Variants in ZC3H18 observed in about 807,000 individuals in gnomAD.
The protein encoded by ZC3H18 is zinc finger CCCH domain-containing protein 18.
Under a neutral mutation model 106.1 loss-of-function variants are expected in ZC3H18, and 8 were observed. The ratio of observed to expected loss-of-function variants is 0.08; its 90% CI spans 0.04 to 0.14. The LOEUF is 0.14. Ranked by LOEUF, ZC3H18 falls within the 10% of genes least tolerant of loss-of-function variation. The pLI, the probability that ZC3H18 is intolerant of heterozygous loss-of-function variation, is 1.00. For synonymous variants in ZC3H18, 635 were observed against 522.1 expected (o/e 1.22, Z -2.95); for missense variants, 1,318 against 1,278.4 (o/e 1.03, Z -0.47).
chr16:88,603,542 G>A (rs982601287), intron 6 of ZC3H18, among the ~76,000 whole-genome samples: 3 of 150,900 alleles, frequency 2.0e-5, no homozygotes, highest in Non-Finnish European at 4.4e-5. Flanking sequence ...AGAATTGCTC[G>A]AACCTGGGAG....
intron 2 of ZC3H18, among the ~76,000 whole-genome samples, chr16:88,579,428 G>T (rs1312284867): frequency 6.6e-6 from 1 of 152,142 alleles, no homozygotes; most frequent in South Asian, 2.1e-4. Flanking sequence ...AAGAGGACTG[G>T]CTGCAGACCC....
intron 11 of ZC3H18, 33 bp downstream of exon 11, chr16:88,624,095 G>A (rs369465820): frequency 1.5e-5 from 24 of 1,603,326 alleles, no homozygotes; most frequent in Middle Eastern, 1.7e-4. Flanking sequence ...AGTCCTGGCC[G>A]GCCAGGCCTC....
intron 2 of ZC3H18, among the ~76,000 whole-genome samples, chr16:88,584,228 C>G (rs1225138737): frequency 6.6e-6 from 1 of 152,074 alleles, no homozygotes. Flanking sequence ...TCAAGACCAG[C>G]CTGGCCAACA....
chr16:88,585,827 T>C (rs952888873), intron 2 of ZC3H18, among the ~76,000 whole-genome samples: 3 of 151,482 alleles, frequency 2.0e-5, no homozygotes, highest in African/African-American at 4.9e-5. Flanking sequence ...ACCGGTGAGA[T>C]TGGTTACGCT....
intron 6 of ZC3H18, 101 bp downstream of exon 6, chr16:88,600,049 A>G (rs916228784): frequency 1.7e-5 from 24 of 1,395,754 alleles, no homozygotes; most frequent in African/African-American, 2.9e-5. Context: ...CTCGGCTGAG[A>G]CCCAGCCCCA....
At chr16:88,573,277 G>A (rs1487317542) in intron 1 of ZC3H18, among the ~76,000 whole-genome samples, 5 of 152,024 alleles carry the variant, frequency 3.3e-5, no homozygotes, top group African/African-American at 1.2e-4. Context: ...GCCCTTCTAT[G>A]AGGAAGATGT....
chr16:88,590,560 A>ATTTTTTT (rs1915685593), intron 3 of ZC3H18, among the ~76,000 whole-genome samples: 3 of 24,108 alleles, frequency 1.2e-4, no homozygotes, highest in East Asian at 1.3e-3. Context: ...GGGTTTCTTT[A>ATTTTTTT]TTTCTTTTTT....
chr16:88,631,302 C>CG lies in ZC3H18; in HGVS notation c.*4dup. The CG allele has an allele frequency of 6.4e-7, 1 of 1,573,302 alleles. No homozygotes were observed. Among genetic ancestry groups the CG allele is most frequent in the Non-Finnish European group, 8.6e-7 (1 of 1,159,328 alleles). The stretch of plus-strand genomic sequence containing the variant: ...CCAAGATCCCCGGGAAAGCATAGGC[C>CG]GTGCCCCGACCGGACTGGACGCATT... On this transcript the variant is annotated 3_prime_UTR_variant, in exon 18 of 18. Transcript: ENST00000301011.
chr16:88,573,847 T>C (rs1914562812), intron 1 of ZC3H18, among the ~76,000 whole-genome samples: 1 of 152,044 alleles, frequency 6.6e-6, no homozygotes, highest in African/African-American at 2.4e-5. Flanking sequence ...ATTGGTTGGT[T>C]TGTAAATCTA....
intron 2 of ZC3H18, among the ~76,000 whole-genome samples, chr16:88,581,925 C>T (rs986020686): frequency 6.6e-6 from 1 of 152,220 alleles, no homozygotes; most frequent in Admixed American, 6.5e-5. Flanking sequence ...ACTCCATGTT[C>T]CGTGTTTATA....
At chr16:88,629,799 G>C (rs1486387223) in intron 16 of ZC3H18, among the ~76,000 whole-genome samples, 1 of 152,240 alleles carries the variant, frequency 6.6e-6, no homozygotes, top group Non-Finnish European at 1.5e-5. Flanking sequence ...GCTCAAACCA[G>C]ATAGAGGACA....
intron 8 of ZC3H18, among the ~76,000 whole-genome samples, chr16:88,619,855 C>T (rs950333755): frequency 9.9e-5 from 15 of 152,198 alleles, no homozygotes; most frequent in Non-Finnish European, 2.1e-4. Context: ...GCTCCCTTTC[C>T]TCTTGGGGTG....
At chr16:88,590,647 C>T (rs1049444492) in intron 3 of ZC3H18, among the ~76,000 whole-genome samples, 1 of 138,978 alleles carries the variant, frequency 7.2e-6, no homozygotes, top group Non-Finnish European at 1.5e-5. Context: ...GTTGGAACCT[C>T]CACCTGGGTT....
At chr16:88,609,230 A>G in intron 7 of ZC3H18, 179 bp downstream of exon 7, 1 of 428,688 alleles carries the variant, frequency 2.3e-6, no homozygotes, top group Non-Finnish European at 4.2e-6. Context: ...CGATTACATT[A>G]ATGGTCATTT....
intron 16 of ZC3H18, 112 bp downstream of exon 16, chr16:88,628,966 A>C (rs1447914342): frequency 2.0e-5 from 21 of 1,041,814 alleles, no homozygotes; most frequent in Non-Finnish European, 2.9e-5. Flanking sequence ...GGTCCAGAGA[A>C]CATCTGACTT....
chr16:88,595,475 T>C (rs962792936), intron 3 of ZC3H18, among the ~76,000 whole-genome samples: 10 of 8,808 alleles, frequency 1.1e-3, no homozygotes, highest in Non-Finnish European at 2.4e-3. Flanking sequence ...TCTTTCTTTC[T>C]TTTTTTTTTT....
chr16:88,605,131 G>A (rs1285444736), intron 6 of ZC3H18, among the ~76,000 whole-genome samples: 1 of 152,248 alleles, frequency 6.6e-6, no homozygotes, highest in Non-Finnish European at 1.5e-5. Flanking sequence ...GCTTAACTGA[G>A]AGAGCACAAG....
rs1349198317 is a variant in ZC3H18 at position 88,630,562 on chromosome 16, C to T, written c.2644C>T (p.Pro882Ser). ...ERQRGQNSKAPAAPADRKRQL... is the reference protein window; with the variant it reads ...ERQRGQNSKASAAPADRKRQL... ...GCAGAGAGGCCAGAACTCCAAAGCC[C>T]CTGCAGCCCCGGCTGACAGGTGAGT... is the stretch of plus-strand genomic sequence containing the variant. Residue 882 changes from proline (P) to serine (S), a missense_variant, in exon 17 of 18, where the codon CCT (proline) becomes TCT (serine). Physicochemically the swap from Pro to Ser is moderately conservative, Grantham distance 74. Transcript: ENST00000301011. 1.9e-6 allele frequency: 3 copies of T among 1,608,934 alleles called. No homozygotes were observed. The highest frequency in any genetic ancestry group is 2.5e-6 in the Non-Finnish European group (3 of 1,178,872).
At chr16:88,587,539 C>T in intron 3 of ZC3H18, 2 of 1,536,028 alleles carry the variant, frequency 1.3e-6, no homozygotes, top group Non-Finnish European at 1.7e-6. Context: ...ACTTCTTTTC[C>T]AGATGTTGTG....
Sources: gnomAD v4.1 joint callset for allele counts (sites outside exome capture counted in the v4.1 genomes callset) on GRCh38, gnomAD v4.1.1 for gene constraint, MANE v1.5 for transcripts, NCBI Gene and HGNC (gene_info 2026-07-23, HGNC 2026-07-21) for gene names.